Variants in USP32 observed in about 807,000 individuals in gnomAD.
USP32 encodes the protein ubiquitin carboxyl-terminal hydrolase 32.
A neutral mutation model predicts 204.8 loss-of-function variants in USP32; 59 were observed. The ratio of observed to expected loss-of-function variants is 0.29; its 90% confidence interval spans 0.23 to 0.36. The LOEUF (loss-of-function observed/expected upper bound fraction) is 0.36. Ranked by LOEUF, USP32 falls within the 10% of genes least tolerant of loss-of-function variation. The probability of loss-of-function intolerance (pLI) is 1.00; values close to 1 mark genes in which losing one functional copy is unlikely to be tolerated. For synonymous variants in USP32, 517 were observed against 678.4 expected (o/e 0.76, Z 3.70); for missense variants, 1,160 against 1,946.4 (o/e 0.60, Z 7.60).
At chr17:60,231,584 C>T in intron 12 of USP32, 1 of 518,498 alleles carries the variant, frequency 1.9e-6, no homozygotes, top group Non-Finnish European at 3.9e-6. Flanking sequence ...TCGAGGGCTG[C>T]TCTTGGCCTC....
At chr17:60,210,842 T>G (rs2084944175) in intron 21 of USP32, among the ~76,000 whole-genome samples, 171 bp downstream of exon 21, 1 of 147,240 alleles carries the variant, frequency 6.8e-6, no homozygotes. Flanking sequence ...TATACAGTAG[T>G]AATTTTGCAT....
Position 60,307,949 on chromosome 17 carries a change from T to G in USP32, c.187-6245A>C, listed in dbSNP as rs2145910021. On this transcript the variant is annotated intron_variant, in intron 2 of 33. Transcript: ENST00000300896. ...AGTTGAAGAGCACACTGACAGGCACTGGCAGATGCCGGCAGGCCACTGACC... is the reference window on the plus strand; with the variant it reads ...AGTTGAAGAGCACACTGACAGGCACGGGCAGATGCCGGCAGGCCACTGACC... Among the ~76,000 whole-genome samples, 2 of 152,302 alleles carry G rather than the reference T, an allele frequency of 1.3e-5. 1 individual carries two copies. The highest frequency in any genetic ancestry group is 4.1e-4 in the South Asian group (2 of 4,826).
Position 60,346,309 on chromosome 17 carries a change from G to A in USP32, c.59-701C>T, listed in dbSNP as rs1471351702. Among the ~76,000 whole-genome samples the A allele has an allele frequency of 3.3e-5, 5 of 151,988 alleles. No individual in the cohort carries two copies. In the East Asian group the frequency reaches 9.7e-4, roughly 29 times the overall value. ...ATATAGGCATACAAATTTTAGGCAG[G>A]GGCAAAGAAGTAACAAATATTTCAA... On this transcript the variant is annotated intron_variant, in intron 1 of 33. Transcript: ENST00000300896.
intron 11 of USP32, among the ~76,000 whole-genome samples, chr17:60,236,960 T>C (rs189943866): frequency 4.6e-5 from 7 of 152,316 alleles, no homozygotes; most frequent in African/African-American, 1.4e-4. Context: ...CCACTGTATG[T>C]ATATATTACA....
At chr17:60,340,746 T>C (rs1289154855) in intron 2 of USP32, among the ~76,000 whole-genome samples, 2 of 152,234 alleles carry the variant, frequency 1.3e-5, no homozygotes, top group Non-Finnish European at 2.9e-5. Context: ...CATTAATTGA[T>C]GCAGTTTCTT....
At chr17:60,213,797 T>A (rs1307004053) in intron 17 of USP32, 135 bp from the exon 18 acceptor site, 4 of 914,234 alleles carry the variant, frequency 4.4e-6, no homozygotes, top group Non-Finnish European at 6.4e-6. Context: ...TGGCCTACTA[T>A]AGTTGTTCAT....
chr17:60,293,369 C>CA (rs1420331380), intron 4 of USP32, among the ~76,000 whole-genome samples: 1 of 152,134 alleles, frequency 6.6e-6, no homozygotes, highest in Non-Finnish European at 1.5e-5. Context: ...AAAATCCAAT[C>CA]AGTCAAGTTT....
At chr17:60,365,125 C>T (rs2089287291) in intron 1 of USP32, among the ~76,000 whole-genome samples, 2 of 152,104 alleles carry the variant, frequency 1.3e-5, no homozygotes, top group South Asian at 4.1e-4. Context: ...TTCCAGTCTT[C>T]ATTATCAACT....
At chr17:60,207,250 A>C (rs1370078679) in intron 24 of USP32, 118 bp from the exon 25 acceptor site, 19 of 1,421,050 alleles carry the variant, frequency 1.3e-5, no homozygotes, top group Non-Finnish European at 1.8e-5. Flanking sequence ...AACCAACGAG[A>C]TGATTGAATA....
intron 9 of USP32, among the ~76,000 whole-genome samples, chr17:60,256,389 G>A (rs1156780035): frequency 6.6e-6 from 1 of 151,978 alleles, no homozygotes; most frequent in Non-Finnish European, 1.5e-5. Context: ...TCAAAAAATT[G>A]TCCTGTTCAC....
At chr17:60,413,565 A>G (rs2090035046) in intron 1 of USP32, among the ~76,000 whole-genome samples, 3 of 152,154 alleles carry the variant, frequency 2.0e-5, no homozygotes. Context: ...CTTTGGGATC[A>G]GCAGAAAAGA....
At chr17:60,421,937 C>A (rs1333512364) in intron 1 of USP32, 1 of 985,734 alleles carries the variant, frequency 1.0e-6, no homozygotes, top group East Asian at 1.1e-4. Flanking sequence ...CAGGGAAGGC[C>A]GCGGGGAGGG....
At chr17:60,399,814 CAA>C (rs1286762861) in intron 1 of USP32, among the ~76,000 whole-genome samples, 1 of 152,110 alleles carries the variant, frequency 6.6e-6, no homozygotes, top group Non-Finnish European at 1.5e-5. Context: ...AGGAATGAGG[CAA>C]GAGCACATCT....
At chr17:60,223,704 T>A in intron 13 of USP32, 118 bp from the exon 14 acceptor site, 1 of 805,634 alleles carries the variant, frequency 1.2e-6, no homozygotes, top group Non-Finnish European at 1.8e-6. Flanking sequence ...CAGTACAGAT[T>A]AAGATTCTGG....
chr17:60,180,579 C>T lies in USP32; in HGVS notation c.4607G>A (p.Cys1536Tyr), dbSNP rs537004946. 6.0e-5 allele frequency: 97 copies of T among 1,613,666 alleles called. No homozygotes were observed. The South Asian group carries it at 1.0e-3, about 17-fold the overall frequency. The change falls in exon 33 of 34, where the codon TGC (cysteine) becomes TAC (tyrosine). Residue 1536 changes from cysteine to tyrosine, a missense_variant. By Grantham distance (194) the Cys-to-Tyr change is radical. Coordinates refer to ENST00000300896, the MANE Select transcript of USP32 (RefSeq NM_032582.4). ...HYVTYAKNPN[C>Y]KWYCYNDSSC... is the part of the protein sequence containing the mutation. Reference sequence around the variant, plus strand: ...GCTGTCATTGTAACAGTACCACTTGCAGTTTGGGTTTTTGGCATAAGTGAC... The same window carrying T: ...GCTGTCATTGTAACAGTACCACTTGTAGTTTGGGTTTTTGGCATAAGTGAC...
intron 1 of USP32, among the ~76,000 whole-genome samples, chr17:60,407,472 C>A (rs79233939): frequency 0.12 from 18,506 of 152,086 alleles, 2,271 homozygotes; most frequent in African/African-American, 0.31. Context: ...TAAACTAGGT[C>A]TAGAGTAAAG....
chr17:60,392,438 G>C, upstream of USP32: 1 of 235,230 alleles, frequency 4.3e-6, no homozygotes, highest in South Asian at 3.4e-5. Flanking sequence ...GGGCGCCTCC[G>C]CTGGCGACGG....
chr17:60,294,860 G>C (rs1310722090), intron 3 of USP32, 59 bp from the exon 4 acceptor site: 4 of 1,083,842 alleles, frequency 3.7e-6, no homozygotes, highest in Non-Finnish European at 5.5e-6. Context: ...TACGTTGGTG[G>C]AAGTAGGGAG....
In USP32 at chr17:60,212,063, A is replaced by C. The variant is rs758387889; in HGVS notation, c.2140T>G (p.Ser714Ala). 1 of 1,608,812 alleles carries C rather than the reference A, an allele frequency of 6.2e-7. No individual in the cohort carries two copies. Among genetic ancestry groups the C allele is most frequent in the Non-Finnish European group, 8.5e-7 (1 of 1,176,888 alleles). Reference protein sequence around the residue: ...NKDMSWPEEMSFIANSSKIDR... With the variant: ...NKDMSWPEEMAFIANSSKIDR... ...ATTTTACTACTATTTGCTATAAAAG[A>C]CATCTCCTCAGGCCAACTCATATCT... The change falls in exon 19 of 34, where the codon TCT (serine) becomes GCT (alanine). Residue 714 changes from serine to alanine, a missense_variant. This residue lies in a region of USP32 where 132 missense variants were observed against 432.8 expected (regional missense o/e 0.30). Transcript: ENST00000300896.
Sources: allele counts gnomAD v4.1 joint callset (sites outside exome capture counted in the v4.1 genomes callset), GRCh38; gene constraint gnomAD v4.1.1; regional missense constraint gnomAD v4.1.1; transcripts MANE v1.5; gene names NCBI Gene and HGNC (gene_info 2026-07-23, HGNC 2026-07-21).